The following RBPJ variants were observed in gnomAD, a reference collection of about 807,000 sequenced individuals.
RBPJ encodes the protein recombination signal binding protein for immunoglobulin kappa J region, also known as recombining binding protein suppressor of hairless.
A neutral mutation model predicts 67.8 loss-of-function variants in RBPJ; 9 were observed. That is an observed-to-expected ratio of 0.13 (90% CI 0.08 to 0.23). The LOEUF is 0.23. Among genes scored for constraint, RBPJ ranks in the 10% least tolerant of loss-of-function variants. The probability of loss-of-function intolerance (pLI) is 1.00; values close to 1 mark genes in which losing one functional copy is unlikely to be tolerated. For missense variants in RBPJ, 305 were observed against 595.6 expected (o/e 0.51, Z 5.08); for synonymous variants, 198 against 203.3 (o/e 0.97, Z 0.22).
chr4:26,235,156 A>G (rs974702500), intron 1 of RBPJ, among the ~76,000 whole-genome samples: 1 of 152,232 alleles, frequency 6.6e-6, no homozygotes, highest in Middle Eastern at 3.2e-3. Flanking sequence ...CAAGTATCTA[A>G]TATGTATGTC....
In RBPJ at chr4:26,191,208, TATAGAGAGAGAG is replaced by T. The variant is rs1293861293; in HGVS notation, c.-167+27596_-167+27607del. On this transcript the variant is annotated intron_variant, in intron 1 of 4. Transcript: ENST00000512351. ...ATATATATATATATATATATATATA[TATAGAGAGAGAG>T]AGAGAGAGAGAGAGAGAGAGATAGA... Among the ~76,000 whole-genome samples, 268 of 27,222 alleles carry T rather than the reference TATAGAGAGAGAG, an allele frequency of 9.8e-3. 1 individual carries two copies. The highest frequency in any genetic ancestry group is 0.023 in the South Asian group (6 of 262). 17.9% of individuals were successfully genotyped at this position (27,222 alleles called of 152,430 possible).
At chr4:26,296,181 T>A (rs1234017812) in intron 1 of RBPJ, among the ~76,000 whole-genome samples, 2 of 152,216 alleles carry the variant, frequency 1.3e-5, no homozygotes, top group African/African-American at 4.8e-5. Context: ...CCTGATGTAA[T>A]TTCTTCTGTA....
intron 1 of RBPJ, among the ~76,000 whole-genome samples, chr4:26,355,913 T>C (rs1727327660): frequency 6.6e-6 from 1 of 152,214 alleles, no homozygotes; most frequent in South Asian, 2.1e-4. Context: ...CAGGAAGGGA[T>C]TTCTTCTTCC....
the RBPJ span, among the ~76,000 whole-genome samples, chr4:26,106,940 TATCCAGGAA>T: frequency 6.6e-6 from 1 of 152,170 alleles, no homozygotes; most frequent in African/African-American, 2.4e-5. Context: ...GGAAATTTTT[TATCCAGGAA>T]ATCTTTTTGA....
At chr4:26,375,174 C>G (rs902468277) in intron 1 of RBPJ, among the ~76,000 whole-genome samples, 1 of 151,462 alleles carries the variant, frequency 6.6e-6, no homozygotes, top group African/African-American at 2.4e-5. Context: ...CATGGTGGCT[C>G]GCACCTGTGG....
intron 1 of RBPJ, among the ~76,000 whole-genome samples, chr4:26,383,506 A>G (rs6810837): frequency 0.013 from 1,936 of 152,296 alleles, 49 homozygotes; most frequent in African/African-American, 0.044. Flanking sequence ...AATTTTTACT[A>G]TTTTAAGCCT....
At chr4:26,123,868 G>C in the RBPJ span, among the ~76,000 whole-genome samples, 1 of 151,996 alleles carries the variant, frequency 6.6e-6, no homozygotes, top group Non-Finnish European at 1.5e-5. Flanking sequence ...TCATCTCCTA[G>C]GATAACAGTA....
the RBPJ span, among the ~76,000 whole-genome samples, chr4:26,109,489 T>TATATAC: frequency 2.1e-5 from 1 of 46,522 alleles, no homozygotes; most frequent in East Asian, 3.3e-4. Flanking sequence ...TATATATATA[T>TATATAC]ATACACACAC....
At chr4:26,144,395 G>A in the RBPJ span, among the ~76,000 whole-genome samples, 15 of 143,756 alleles carry the variant, frequency 1.0e-4, no homozygotes, top group East Asian at 2.1e-4. Context: ...TCAGCCCCCC[G>A]AGTAGCTGGG....
chr4:26,416,895 A>G (rs1168324794), intron 4 of RBPJ, among the ~76,000 whole-genome samples: 1 of 152,208 alleles, frequency 6.6e-6, no homozygotes, highest in African/African-American at 2.4e-5. Flanking sequence ...TAGTTTTTGT[A>G]AGTAAGATTT....
At chr4:26,293,247 C>G (rs1323825368) in intron 1 of RBPJ, among the ~76,000 whole-genome samples, 1 of 150,508 alleles carries the variant, frequency 6.6e-6, no homozygotes, top group Admixed American at 6.6e-5. Context: ...TAGGTTTCCC[C>G]CCTTTACTAG....
intron 1 of RBPJ, among the ~76,000 whole-genome samples, chr4:26,332,020 C>G (rs751386504): frequency 8.5e-5 from 13 of 152,164 alleles, no homozygotes; most frequent in Non-Finnish European, 1.0e-4. Context: ...ATATTATTCT[C>G]TTGACTATGG....
intron 1 of RBPJ, among the ~76,000 whole-genome samples, chr4:26,310,971 A>T (rs1389639592): frequency 1.3e-5 from 2 of 152,074 alleles, no homozygotes; most frequent in Non-Finnish European, 2.9e-5. Flanking sequence ...TGCCCAACCG[A>T]TGTTGATTTT....
chr4:26,256,422 A>T (rs1206691392), intron 1 of RBPJ, among the ~76,000 whole-genome samples: 1 of 152,230 alleles, frequency 6.6e-6, no homozygotes, highest in Non-Finnish European at 1.5e-5. Context: ...AGATAGTGAT[A>T]TCAAATTGTA....
the RBPJ span, among the ~76,000 whole-genome samples, chr4:26,110,972 G>A: frequency 6.6e-6 from 1 of 152,096 alleles, no homozygotes; most frequent in African/African-American, 2.4e-5. This position sits in a 1 kb window ranked among gnomAD's most constrained non-coding sequence, Gnocchi z 4.5. Context: ...TTCCTTTCTA[G>A]TTAGGCTGAC....
At chr4:26,335,275 G>A (rs536851746) in intron 1 of RBPJ, among the ~76,000 whole-genome samples, 14 of 152,082 alleles carry the variant, frequency 9.2e-5, no homozygotes, top group East Asian at 3.9e-4. Context: ...TCCGCCTCCT[G>A]GGTTCAAGTG....
At chr4:26,236,285 A>G (rs1242430106) in intron 1 of RBPJ, among the ~76,000 whole-genome samples, 3 of 152,238 alleles carry the variant, frequency 2.0e-5, no homozygotes, top group African/African-American at 4.8e-5. Flanking sequence ...CTCATCTGAA[A>G]AATGGGGAAT....
chr4:26,316,119 GAC>G (rs1722600702), upstream of RBPJ, among the ~76,000 whole-genome samples: 1 of 151,932 alleles, frequency 6.6e-6, no homozygotes, highest in African/African-American at 2.4e-5. Context: ...ATTAAAGTAA[GAC>G]AGGCATAAGA....
At chr4:26,285,273 C>T (rs1721424274) in intron 1 of RBPJ, among the ~76,000 whole-genome samples, 1 of 149,900 alleles carries the variant, frequency 6.7e-6, no homozygotes, top group South Asian at 2.2e-4. Context: ...CCCCCACCCC[C>T]GCCACTTACC....
Sources: allele counts gnomAD v4.1 joint callset (sites outside exome capture counted in the v4.1 genomes callset), GRCh38; gene constraint gnomAD v4.1.1; non-coding constraint Gnocchi (gnomAD v3.1); transcripts MANE v1.5; gene names NCBI Gene and HGNC (gene_info 2026-07-23, HGNC 2026-07-21).